The following GUCY2C variants were observed in gnomAD, a reference collection of about 807,000 sequenced individuals.
GUCY2C encodes the protein guanylate cyclase 2C, also known as guanylyl cyclase C.
A neutral mutation model predicts 131.1 loss-of-function variants in GUCY2C; 118 were observed. That is an observed-to-expected ratio of 0.90 (90% CI 0.78 to 1.05). The LOEUF (loss-of-function observed/expected upper bound fraction) is 1.05. Among genes scored for constraint, GUCY2C ranks in the 50% least tolerant of loss-of-function variants. The pLI is 0.00. For missense variants in GUCY2C, 1,161 were observed against 1,304.4 expected (o/e 0.89, Z 1.69); for synonymous variants, 452 against 457.8 (o/e 0.99, Z 0.16).
At chr12:14,616,509 G>T (rs550503362) in intron 25 of GUCY2C, 124 bp downstream of exon 25, 26 of 686,790 alleles carry the variant, frequency 3.8e-5, no homozygotes, top group African/African-American at 2.8e-4. Context: ...GAGGATGGAG[G>T]GTGCTCATCG....
chr12:14,629,873 A>T (rs1425485739), intron 19 of GUCY2C, among the ~76,000 whole-genome samples: 2 of 152,222 alleles, frequency 1.3e-5, no homozygotes, highest in Non-Finnish European at 2.9e-5. Flanking sequence ...AAAATAAAGG[A>T]CATCAAGTTA....
chr12:14,670,560 T>G (rs1948083907), intron 9 of GUCY2C, among the ~76,000 whole-genome samples: 1 of 152,080 alleles, frequency 6.6e-6, no homozygotes, highest in Non-Finnish European at 1.5e-5. Flanking sequence ...CAACTTGAAT[T>G]GTATCTCCCA....
Position 14,656,600 on chromosome 12 carries a change from T to A in GUCY2C, c.1382A>T (p.Tyr461Phe), listed in dbSNP as rs762908310. 6.4e-7 allele frequency: 1 copy of A among 1,550,824 alleles called. No homozygotes were observed. The highest frequency in any genetic ancestry group is 1.1e-5 in the South Asian group (1 of 89,716). Residue 461 changes from tyrosine to phenylalanine, a missense_variant, in exon 12 of 27, where the codon TAT becomes TTT. Coordinates refer to ENST00000261170, the MANE Select transcript of GUCY2C (RefSeq NM_004963.4). ...LLMLRKYRKD[Y>F]ELRQKKWSHI... is the part of the protein sequence containing the mutation. The stretch of plus-strand genomic sequence containing the variant: ...GGACCATTTTTTCTGACGAAGTTCA[T>A]AATCTTTTCTATATTTTCTGTGAAA...
At chr12:14,683,945 T>A (rs1435440367) in intron 3 of GUCY2C, among the ~76,000 whole-genome samples, 1 of 152,212 alleles carries the variant, frequency 6.6e-6, no homozygotes. Flanking sequence ...CACCCCAGCA[T>A]CATACCATTG....
intron 10 of GUCY2C, among the ~76,000 whole-genome samples, chr12:14,662,752 A>G (rs1421689265): frequency 6.6e-6 from 1 of 152,152 alleles, no homozygotes; most frequent in Non-Finnish European, 1.5e-5. Flanking sequence ...CACATAATGA[A>G]AATGTTTCCT....
chr12:14,691,442 G>A (rs534458056), intron 1 of GUCY2C, among the ~76,000 whole-genome samples: 7 of 152,288 alleles, frequency 4.6e-5, no homozygotes, highest in African/African-American at 1.7e-4. Flanking sequence ...CAGGAGAACA[G>A]AATGAATGAG....
intron 24 of GUCY2C, 152 bp from the exon 25 acceptor site, chr12:14,616,879 C>T: frequency 1.6e-6 from 1 of 632,178 alleles, no homozygotes; most frequent in Non-Finnish European, 2.8e-6. Flanking sequence ...TTAAAAATAA[C>T]ATCAGAGAGA....
chr12:14,657,038 A>C (rs1167606083), intron 11 of GUCY2C, among the ~76,000 whole-genome samples: 1 of 152,220 alleles, frequency 6.6e-6, no homozygotes. Context: ...ATCCGACAGC[A>C]GGGGGAGCTC....
At chr12:14,693,272 A>C (rs1462519641) in intron 1 of GUCY2C, among the ~76,000 whole-genome samples, 1 of 152,128 alleles carries the variant, frequency 6.6e-6, no homozygotes, top group African/African-American at 2.4e-5. Context: ...ACATGAAGCT[A>C]AAACCTTGGT....
intron 15 of GUCY2C, 144 bp downstream of exon 15, chr12:14,651,263 T>C: frequency 2.0e-6 from 1 of 508,200 alleles, no homozygotes; most frequent in Non-Finnish European, 3.5e-6. Flanking sequence ...ACTGAAAAAA[T>C]CTCGGGGATC....
intron 1 of GUCY2C, among the ~76,000 whole-genome samples, chr12:14,693,364 C>G (rs1340619234): frequency 6.6e-6 from 1 of 152,166 alleles, no homozygotes; most frequent in Admixed American, 6.5e-5. Context: ...TGGAACCATA[C>G]AGCCTCAGGG....
intron 20 of GUCY2C, 133 bp from the exon 21 acceptor site, chr12:14,626,048 A>C (rs1240987740): frequency 6.4e-6 from 4 of 627,042 alleles, no homozygotes; most frequent in Non-Finnish European, 1.1e-5. Flanking sequence ...TAACAAAAAA[A>C]CTCAACCTCA....
intron 22 of GUCY2C, 40 bp downstream of exon 22, chr12:14,621,965 G>T: frequency 7.1e-7 from 1 of 1,414,292 alleles, no homozygotes; most frequent in Non-Finnish European, 9.7e-7. Context: ...ACCTTGAGTT[G>T]TACAATTAAT....
intron 21 of GUCY2C, 38 bp from the exon 22 acceptor site, chr12:14,622,235 A>G (rs1240060736): frequency 7.6e-7 from 1 of 1,317,634 alleles, no homozygotes; most frequent in Non-Finnish European, 1.0e-6. Context: ...CTTCAACTTC[A>G]GCAAATTTCT....
intron 1 of GUCY2C, among the ~76,000 whole-genome samples, chr12:14,689,266 C>T (rs964446985): frequency 1.3e-5 from 2 of 152,070 alleles, no homozygotes; most frequent in Admixed American, 1.3e-4. Flanking sequence ...CTCAGAATAA[C>T]GCCAATATTT....
intron 19 of GUCY2C, among the ~76,000 whole-genome samples, chr12:14,637,105 A>G (rs889368768): frequency 3.3e-5 from 5 of 151,758 alleles, no homozygotes; most frequent in Non-Finnish European, 7.4e-5. Flanking sequence ...AAAAAAATTA[A>G]CATACAAAAA....
At chr12:14,654,139 T>A (rs1439611651) in intron 12 of GUCY2C, among the ~76,000 whole-genome samples, 1 of 152,250 alleles carries the variant, frequency 6.6e-6, no homozygotes, top group African/African-American at 2.4e-5. Context: ...TTGATTATTT[T>A]TTTCTGTGTT....
At position 14,645,304 on chromosome 12, in the gene GUCY2C, A is replaced by C; in HGVS notation, c.1722T>G (p.Asn574Lys). 1 of 1,564,420 alleles carries C rather than the reference A, an allele frequency of 6.4e-7. No homozygotes were observed. The highest frequency in any genetic ancestry group is 8.8e-7 in the Non-Finnish European group (1 of 1,135,794). ...CERGSLREVL[N>K]DTISYPDGTF... Reference sequence around the variant, plus strand: ...TGCCATCAGGGTAGGAAATTGTGTCATTTAAAACTTCCTGAATAGGAAAAA... The same window carrying C: ...TGCCATCAGGGTAGGAAATTGTGTCCTTTAAAACTTCCTGAATAGGAAAAA... The change falls in exon 16 of 27, where the codon AAT becomes AAG. Residue 574 changes from asparagine to lysine, a missense_variant. By Grantham distance (94) the Asn-to-Lys change is moderately conservative (BLOSUM62 0). Transcript: ENST00000261170.
intron 26 of GUCY2C, 152 bp downstream of exon 26, chr12:14,614,715 G>A: frequency 3.4e-6 from 2 of 583,556 alleles, no homozygotes; most frequent in East Asian, 6.8e-5. Context: ...TGCAGTCTAG[G>A]AAGGGAGGTT....
Sources: gnomAD v4.1 joint callset for allele counts (sites outside exome capture counted in the v4.1 genomes callset) on GRCh38, gnomAD v4.1.1 for gene constraint, MANE v1.5 for transcripts, NCBI Gene and HGNC (gene_info 2026-07-23, HGNC 2026-07-21) for gene names.